The following RBFOX1 variants were observed in gnomAD, a reference collection of about 807,000 sequenced individuals.
RBFOX1 encodes RNA binding fox-1 homolog 1.
In RBFOX1, 8 loss-of-function variants were observed where a neutral mutation model predicts 57.7. The ratio of observed to expected loss-of-function variants is 0.14; its 90% CI spans 0.08 to 0.25. The LOEUF (loss-of-function observed/expected upper bound fraction) is 0.25, where lower values mean the gene tolerates loss of function less well. RBFOX1 is among the 10% of genes least tolerant of loss of function. The pLI is 1.00. For synonymous variants in RBFOX1, 326 were observed against 222.4 expected (o/e 1.47, Z -4.15); for missense variants, 611 against 548.5 (o/e 1.11, Z -1.14).
chr16:6,276,542 C>T (rs1270056997), intron 1 of RBFOX1, among the ~76,000 whole-genome samples: 2 of 152,082 alleles, frequency 1.3e-5, no homozygotes, highest in East Asian at 1.9e-4. Flanking sequence ...GGGGTTTTAC[C>T]GTGTTGGCCA....
intron 4 of RBFOX1, among the ~76,000 whole-genome samples, chr16:7,282,368 G>C (rs150871781): frequency 2.0e-5 from 3 of 152,254 alleles, no homozygotes; most frequent in African/African-American, 7.2e-5. Context: ...TTCTTTAATT[G>C]TAAGGAACAG....
chr16:6,415,704 C>CA (rs1053449974), intron 2 of RBFOX1, among the ~76,000 whole-genome samples: 17 of 151,976 alleles, frequency 1.1e-4, no homozygotes, highest in Non-Finnish European at 2.2e-4. Flanking sequence ...GTGCCTCAAA[C>CA]AAAAAACAAA....
intron 2 of RBFOX1, among the ~76,000 whole-genome samples, chr16:6,457,205 G>C (rs1282755599): frequency 6.6e-6 from 1 of 152,198 alleles, no homozygotes; most frequent in Non-Finnish European, 1.5e-5. Context: ...GACAGTCTAA[G>C]CACCAGTAGC....
intron 1 of RBFOX1, among the ~76,000 whole-genome samples, chr16:6,093,115 T>C (rs1342174858): frequency 6.6e-6 from 1 of 152,194 alleles, no homozygotes; most frequent in African/African-American, 2.4e-5. Context: ...GCAAGAAAAC[T>C]GGTTGGCTAT....
intron 2 of RBFOX1, among the ~76,000 whole-genome samples, chr16:6,538,044 T>C (rs2096759628): frequency 6.6e-6 from 1 of 151,728 alleles, no homozygotes; most frequent in Non-Finnish European, 1.5e-5. Context: ...ATTCACATAA[T>C]ATAAAATACA....
intron 1 of RBFOX1, among the ~76,000 whole-genome samples, chr16:5,254,676 G>C (rs1447416223): frequency 6.6e-6 from 1 of 152,122 alleles, no homozygotes; most frequent in African/African-American, 2.4e-5. Flanking sequence ...CCCCCACCCA[G>C]CTTGTTCTGG....
chr16:6,842,172 A>C (rs1215983604), intron 3 of RBFOX1, among the ~76,000 whole-genome samples: 2 of 151,518 alleles, frequency 1.3e-5, no homozygotes, highest in African/African-American at 4.8e-5. Context: ...ATAAATAAAT[A>C]AATAAATAAA....
intron 5 of RBFOX1, among the ~76,000 whole-genome samples, chr16:7,548,107 T>C (rs1801781605): frequency 6.6e-6 from 1 of 152,242 alleles, no homozygotes; most frequent in African/African-American, 2.4e-5. Flanking sequence ...CTGTTCACCC[T>C]GTGCAATATT....
intron 4 of RBFOX1, among the ~76,000 whole-genome samples, chr16:7,212,778 G>T (rs1448986771): frequency 1.3e-5 from 2 of 152,178 alleles, no homozygotes; most frequent in African/African-American, 4.8e-5. Flanking sequence ...CATGGCACAT[G>T]TATACCTATG....
intron 3 of RBFOX1, among the ~76,000 whole-genome samples, chr16:6,961,750 G>C (rs2083065431): frequency 1.3e-5 from 2 of 152,130 alleles, no homozygotes; most frequent in Admixed American, 1.3e-4. Flanking sequence ...TTGTTTCACG[G>C]CGTTTTTAAA....
At chr16:5,480,465 T>C (rs2069493542) in intron 2 of RBFOX1, among the ~76,000 whole-genome samples, 1 of 152,164 alleles carries the variant, frequency 6.6e-6, no homozygotes, top group Non-Finnish European at 1.5e-5. Flanking sequence ...AAATGTTCCA[T>C]GAACTCACTA....
At chr16:7,462,735 C>G (rs1020104963) in intron 4 of RBFOX1, among the ~76,000 whole-genome samples, 1 of 152,204 alleles carries the variant, frequency 6.6e-6, no homozygotes, top group African/African-American at 2.4e-5. Flanking sequence ...CAAAGCTTTG[C>G]TGGCTGTCAG....
At chr16:7,493,647 G>C (rs2067656947) in intron 4 of RBFOX1, among the ~76,000 whole-genome samples, 1 of 152,182 alleles carries the variant, frequency 6.6e-6, no homozygotes, top group South Asian at 2.1e-4. Flanking sequence ...TTTGAAGTTG[G>C]AGAAAGAGAC....
intron 4 of RBFOX1, among the ~76,000 whole-genome samples, chr16:5,958,479 G>A (rs1008899571): frequency 6.6e-6 from 1 of 152,102 alleles, no homozygotes; most frequent in South Asian, 2.1e-4. Flanking sequence ...CAATTATTAG[G>A]TATTATTAGG....
chr16:6,922,599 G>T (rs1752110390), intron 3 of RBFOX1, among the ~76,000 whole-genome samples: 2 of 152,180 alleles, frequency 1.3e-5, no homozygotes, highest in African/African-American at 4.8e-5. Flanking sequence ...AAATGAACAT[G>T]TGATTCTTTT....
chr16:6,562,618 G>T lies in RBFOX1; in HGVS notation c.-63-91985G>T, dbSNP rs536493877. ...GGTTGTGCAAGTTTCTAAACATCTT[G>T]CATGTACTAATAAATACTTTTAGTT... On this transcript the variant is annotated intron_variant, in intron 2 of 15. Coordinates refer to ENST00000550418, the MANE Select transcript of RBFOX1 (RefSeq NM_018723.4). Among the ~76,000 whole-genome samples the T allele has an allele frequency of 1.1e-3, 161 of 152,308 alleles. 1 individual carries two copies. Among genetic ancestry groups the T allele is most frequent in the Admixed American group, 9.9e-3 (152 of 15,286 alleles).
At chr16:5,834,929 T>C (rs1384671593) in intron 3 of RBFOX1, among the ~76,000 whole-genome samples, 4 of 152,166 alleles carry the variant, frequency 2.6e-5, no homozygotes, top group Non-Finnish European at 5.9e-5. Context: ...TGCATAGCGT[T>C]TTCCACAGAG....
chr16:7,347,356 G>T (rs1396515084), intron 4 of RBFOX1, among the ~76,000 whole-genome samples: 1 of 152,158 alleles, frequency 6.6e-6, no homozygotes, highest in African/African-American at 2.4e-5. Flanking sequence ...ATGGATGACA[G>T]CAGGCAAAGA....
intron 1 of RBFOX1, among the ~76,000 whole-genome samples, chr16:5,464,629 TA>T (rs1397890107): frequency 1.1e-5 from 1 of 89,690 alleles, no homozygotes; most frequent in Non-Finnish European, 2.4e-5. Context: ...CCCCAGACTG[TA>T]GGGCGCCACG....
Sources: gnomAD v4.1 joint callset for allele counts (sites outside exome capture counted in the v4.1 genomes callset) on GRCh38, gnomAD v4.1.1 for gene constraint, MANE v1.5 for transcripts, NCBI Gene and HGNC (gene_info 2026-07-23, HGNC 2026-07-21) for gene names.